ZC3H3: variants seen among roughly 807,000 people sequenced by gnomAD.
ZC3H3 encodes the protein zinc finger CCCH domain-containing protein 3.
In ZC3H3, 36 loss-of-function variants were observed where a neutral mutation model predicts 77.3. The ratio of observed to expected loss-of-function variants is 0.47; its 90% CI spans 0.36 to 0.61. ZC3H3 has a LOEUF of 0.61. ZC3H3 is among the 20% of genes least tolerant of loss of function. The pLI, the probability that ZC3H3 is intolerant of heterozygous loss-of-function variation, is 0.00. For synonymous variants in ZC3H3, 626 were observed against 555.2 expected (o/e 1.13, Z -1.79); for missense variants, 1,331 against 1,312.2 (o/e 1.01, Z -0.22).
intron 3 of ZC3H3, among the ~76,000 whole-genome samples, chr8:143,529,593 C>T (rs989771480): frequency 6.6e-6 from 1 of 152,198 alleles, no homozygotes; most frequent in African/African-American, 2.4e-5. Flanking sequence ...AATGTCGCAC[C>T]ACAGTCGGGG....
rs1413981145 is a variant in ZC3H3 at position 143,440,283 on chromosome 8, G to A, written c.2573C>T (p.Pro858Leu). ...AGAGGCTGACCCCCCTGGGCAGTGGGGAGGTGCAGCCACGGCAGCCGCAGT... is the reference window on the plus strand; with the variant it reads ...AGAGGCTGACCCCCCTGGGCAGTGGAGAGGTGCAGCCACGGCAGCCGCAGT... ...ALTAAAVAAP[P>L]HCPGGSASPS... The change falls in exon 11 of 12, where the codon CCC becomes CTC. Residue 858 changes from proline (P) to leucine (L), a missense_variant. By Grantham distance (98) the Pro-to-Leu change is moderately conservative. Around this residue, in one of 3 missense-constraint regions of ZC3H3, gnomAD observed 249 missense variants for 236.9 expected, o/e 1.05. Coordinates refer to ENST00000262577, the MANE Select transcript of ZC3H3 (RefSeq NM_015117.3). 6.3e-7 allele frequency: 1 copy of A among 1,576,970 alleles called. No individual in the cohort carries two copies. Among genetic ancestry groups the A allele is most frequent in the Non-Finnish European group, 8.6e-7 (1 of 1,159,412 alleles).
intron 3 of ZC3H3, among the ~76,000 whole-genome samples, chr8:143,531,243 G>A (rs879518160): frequency 2.0e-5 from 3 of 152,172 alleles, no homozygotes; most frequent in Admixed American, 2.0e-4. Flanking sequence ...CCAGGCATGA[G>A]CCTCGGCACC....
chr8:143,520,363 C>G (rs1469014465), intron 3 of ZC3H3, among the ~76,000 whole-genome samples: 3 of 152,248 alleles, frequency 2.0e-5, no homozygotes, highest in African/African-American at 7.2e-5. Context: ...TCCAGCCCTG[C>G]ATGCGGTGAG....
intron 3 of ZC3H3, among the ~76,000 whole-genome samples, chr8:143,521,021 C>T (rs73715654): frequency 0.02 from 2,984 of 152,322 alleles, 86 homozygotes; most frequent in African/African-American, 0.067. Context: ...ACGGCCCGCC[C>T]GGCCCACAGG....
intron 3 of ZC3H3, among the ~76,000 whole-genome samples, chr8:143,534,096 C>A (rs566646534): frequency 1.0e-3 from 153 of 152,054 alleles, no homozygotes; most frequent in Non-Finnish European, 1.7e-3. Context: ...CCAGCCTAGG[C>A]AACAAAGCAA....
intron 5 of ZC3H3, among the ~76,000 whole-genome samples, chr8:143,472,500 A>G (rs559565880): frequency 1.3e-5 from 2 of 152,182 alleles, no homozygotes; most frequent in Non-Finnish European, 1.5e-5. Context: ...TCTCCTCCCC[A>G]CTGCTGAGCG....
intron 9 of ZC3H3, among the ~76,000 whole-genome samples, chr8:143,454,892 T>C (rs1820074443): frequency 6.6e-6 from 1 of 152,166 alleles, no homozygotes; most frequent in Non-Finnish European, 1.5e-5. Flanking sequence ...CTGCAGCACT[T>C]GTGTCCGGGT....
intron 3 of ZC3H3, among the ~76,000 whole-genome samples, chr8:143,517,046 C>A (rs1586948222): frequency 1.3e-5 from 2 of 152,196 alleles, no homozygotes; most frequent in African/African-American, 2.4e-5. Flanking sequence ...GACGCAGCAC[C>A]ACCGAAGCCG....
chr8:143,522,620 C>T (rs902514281), intron 3 of ZC3H3, among the ~76,000 whole-genome samples: 2 of 148,798 alleles, frequency 1.3e-5, no homozygotes, highest in African/African-American at 2.5e-5. Flanking sequence ...AAAAAACACA[C>T]ACACACAAAT....
chr8:143,536,403 C>G lies in ZC3H3; in HGVS notation c.1415G>C (p.Ser472Thr). Residue 472 changes from serine (S) to threonine (T), a missense_variant, in exon 3 of 12, where the codon AGC becomes ACC. Transcript: ENST00000262577. ...SGTSPAATAK[S>T]HLSLRRRQAL... ...CTGTCTCCGCCGGAGGCTGAGGTGGCTCTTGGCGGTGGCGGCAGGTGAGGT... is the reference window on the plus strand; with the variant it reads ...CTGTCTCCGCCGGAGGCTGAGGTGGGTCTTGGCGGTGGCGGCAGGTGAGGT... 1 of 1,568,144 alleles carries G rather than the reference C, an allele frequency of 6.4e-7. No homozygotes were observed. The highest frequency in any genetic ancestry group is 8.7e-7 in the Non-Finnish European group (1 of 1,155,028).
In ZC3H3 at chr8:143,538,537, C is replaced by A; in HGVS notation, c.830G>T (p.Gly277Val). 1.2e-6 allele frequency: 2 copies of A among 1,611,938 alleles called. No homozygotes were observed. The highest frequency in any genetic ancestry group is 1.7e-6 in the Non-Finnish European group (2 of 1,180,012). The part of the protein sequence containing the change: ...AGHTDQPVPS[G>V]SVGGPARPAS... ...CGGTCTGGCGGGGCCCCCCACTGAGCCAGACGGAACTGGCTGATCTGTGTG... is the reference window on the plus strand; with the variant it reads ...CGGTCTGGCGGGGCCCCCCACTGAGACAGACGGAACTGGCTGATCTGTGTG... The change falls in exon 2 of 12, where the codon GGC becomes GTC. Residue 277 changes from glycine to valine, a missense_variant. Gly to Val is a moderately radical substitution (Grantham distance 109). This residue lies in a region of ZC3H3 where 978 missense variants were observed against 915.5 expected (regional missense o/e 1.07). Coordinates refer to ENST00000262577, the MANE Select transcript of ZC3H3 (RefSeq NM_015117.3).
intron 8 of ZC3H3, 105 bp from the exon 9 acceptor site, chr8:143,465,953 A>T: frequency 2.1e-6 from 3 of 1,434,822 alleles, no homozygotes; most frequent in Admixed American, 2.3e-5. Context: ...AGAAATGGAC[A>T]CGCGGCACCA....
chr8:143,500,121 C>T (rs897322122), intron 4 of ZC3H3, among the ~76,000 whole-genome samples: 17 of 152,072 alleles, frequency 1.1e-4, no homozygotes, highest in African/African-American at 4.1e-4. Context: ...TCAAAGGGGC[C>T]TTCTCTGAGC....
intron 4 of ZC3H3, among the ~76,000 whole-genome samples, chr8:143,500,818 A>T (rs1018008969): frequency 3.2e-4 from 45 of 141,106 alleles, no homozygotes; most frequent in Non-Finnish European, 4.6e-4. Context: ...CACAATGTCT[A>T]TTTTTTTTTT....
chr8:143,468,886 C>G (rs186996587), intron 5 of ZC3H3, among the ~76,000 whole-genome samples: 146 of 152,308 alleles, frequency 9.6e-4, no homozygotes, highest in African/African-American at 3.2e-3. Flanking sequence ...AGCTGCTGGG[C>G]CCTGTGTCTA....
chr8:143,468,238 G>A lies in ZC3H3; in HGVS notation c.2146C>T (p.Pro716Ser), dbSNP rs758161399. 1.2e-6 allele frequency: 2 copies of A among 1,613,062 alleles called. No individual in the cohort carries two copies. The highest frequency in any genetic ancestry group is 2.7e-5 in the African/African-American group (2 of 75,042). The change falls in exon 8 of 12, where the codon CCC (proline) becomes TCC (serine). Residue 716 changes from proline (P) to serine (S), a missense_variant. Pro to Ser is a moderately conservative substitution (Grantham distance 74). This residue lies in a region of ZC3H3 where 104 missense variants were observed against 159.7 expected (regional missense o/e 0.65). Coordinates refer to ENST00000262577, the MANE Select transcript of ZC3H3 (RefSeq NM_015117.3). The part of the protein sequence containing the change: ...GTCKKTDGTC[P>S]FSHHVSKEKM... ...TCCTTGGACACATGGTGGGAGAAGG[G>A]GCAGGTCCCATCCGTTTTCTTGCAG...
chr8:143,457,567 TA>T (rs10707329), intron 9 of ZC3H3, among the ~76,000 whole-genome samples: 97,100 of 151,774 alleles, frequency 0.64, 31,415 homozygotes, highest in African/African-American at 0.71. Flanking sequence ...CTCATCCCTA[TA>T]AAAAAATACA....
intron 9 of ZC3H3, among the ~76,000 whole-genome samples, chr8:143,449,459 T>G (rs955547371): frequency 1.3e-5 from 2 of 152,204 alleles, no homozygotes; most frequent in African/African-American, 4.8e-5. Flanking sequence ...CAGTGGCTCA[T>G]GCCTGTAATC....
intron 3 of ZC3H3, among the ~76,000 whole-genome samples, chr8:143,520,957 G>T (rs1187608959): frequency 1.3e-5 from 2 of 152,224 alleles, no homozygotes; most frequent in African/African-American, 4.8e-5. Flanking sequence ...CCAGAGAGGG[G>T]ATCAGGCTTC....
Sources: allele counts gnomAD v4.1 joint callset (sites outside exome capture counted in the v4.1 genomes callset), GRCh38; gene constraint gnomAD v4.1.1; regional missense constraint gnomAD v4.1.1; transcripts MANE v1.5; gene names NCBI Gene and HGNC (gene_info 2026-07-23, HGNC 2026-07-21).